Variants in ARL10 observed in about 807,000 individuals in gnomAD.
ARL10 encodes ARF like GTPase 10.
A neutral mutation model predicts 26.1 loss-of-function variants in ARL10; 23 were observed. That is an observed-to-expected ratio of 0.88 (90% CI 0.63 to 1.25). The LOEUF (loss-of-function observed/expected upper bound fraction) is 1.25. ARL10 is among the 50% of genes most tolerant of loss of function. The pLI, the probability that ARL10 is intolerant of heterozygous loss-of-function variation, is 0.00. For synonymous variants in ARL10, 138 were observed against 149.1 expected (o/e 0.93, Z 0.54); for missense variants, 300 against 323.6 (o/e 0.93, Z 0.56).
rs772446425 is a variant in ARL10, at chr5:176,369,100, C to T, written c.561+118C>T. The T allele has an allele frequency of 1.5e-5, 23 of 1,538,422 alleles. No individual in the cohort carries two copies. The African/African-American group carries it at 2.5e-4, about 16-fold the overall frequency. ...GAGAGGGTGGCTGAGATGCTGCCCC[C>T]ACCTCTTCTACCTATGCCCTGTCCT... On this transcript the variant is annotated intron_variant, in intron 3 of 3. Coordinates refer to ENST00000310389, the MANE Select transcript of ARL10 (RefSeq NM_173664.6).
downstream of ARL10, chr5:176,385,225 T>G (rs564105798): frequency 1.3e-6 from 2 of 1,593,478 alleles, no homozygotes; most frequent in South Asian, 1.1e-5. Flanking sequence ...GCTCACCTTA[T>G]AGTCCTCCCC....
At chr5:176,382,280 G>T (rs1167162084), downstream of ARL10, among the ~76,000 whole-genome samples, 2 of 152,210 alleles carry the variant, frequency 1.3e-5, no homozygotes, top group East Asian at 3.8e-4. Flanking sequence ...ACCTGGAGCT[G>T]CTCATCTCAG....
rs1321062608 is a variant in ARL10, at chr5:176,373,419, A to G, written c.*1524A>G. On this transcript the variant is annotated 3_prime_UTR_variant, in exon 4 of 4. Coordinates refer to ENST00000310389, the MANE Select transcript of ARL10 (RefSeq NM_173664.6). ...GGGACCACTAAATCAACAACCACAA[A>G]TGGATTTTTTTTTTAAGAGGAGCTG... The G allele has an allele frequency of 1.0e-5, 2 of 197,738 alleles. No homozygotes were observed. The highest frequency in any genetic ancestry group is 2.3e-5 in the African/African-American group (1 of 43,270). 12.2% of individuals were successfully genotyped at this position (197,738 alleles called of 1,614,324 possible). A position where few individuals can be genotyped will look rare whatever the true frequency, so the allele number is the denominator to read the frequency against.
At chr5:176,412,202 T>G in the ARL10 span, among the ~76,000 whole-genome samples, 1 of 151,924 alleles carries the variant, frequency 6.6e-6, no homozygotes, top group Non-Finnish European at 1.5e-5. Flanking sequence ...AAGAATGCTT[T>G]TTTGGCTCCA....
At chr5:176,387,974 A>G (rs1756020778) in intron 1 of ARL10, among the ~76,000 whole-genome samples, 1 of 152,200 alleles carries the variant, frequency 6.6e-6, no homozygotes, top group African/African-American at 2.4e-5. Context: ...TAAGGAAAAT[A>G]CCGTTGAGAT....
chr5:176,384,654 C>A, downstream of ARL10: 1 of 465,372 alleles, frequency 2.1e-6, no homozygotes, highest in Non-Finnish European at 3.8e-6. Flanking sequence ...CCTGTGGTCC[C>A]AGCTACTTGG....
At chr5:176,388,480 C>T in exon 2 of ARL10, 1 of 1,614,260 alleles carries the variant, frequency 6.2e-7, no homozygotes, top group Non-Finnish European at 8.5e-7. Context: ...GGTTCAGACG[C>T]TTTCGGTTGA....
At chr5:176,402,038 C>A (rs1269730785), downstream of ARL10, among the ~76,000 whole-genome samples, 1 of 152,172 alleles carries the variant, frequency 6.6e-6, no homozygotes, top group Admixed American at 6.5e-5. Flanking sequence ...CACGGTGGCT[C>A]GCGCCTATAA....
chr5:176,375,187 C>CCCAT lies in ARL10; in HGVS notation c.*3308_*3311dup, dbSNP rs568970450. The stretch of plus-strand genomic sequence containing the variant: ...ATCCACCCACCCACCCACCCATCCA[C>CCCAT]CCATCCATCCATCCATCCACTCATC... On this transcript the variant is annotated 3_prime_UTR_variant, in exon 4 of 4. Transcript: ENST00000310389. The CCCAT allele has an allele frequency of 1.1e-4, 5 of 45,896 alleles. No homozygotes were observed. The highest frequency in any genetic ancestry group is 2.8e-4 in the Admixed American group (1 of 3,522). The allele number at this position is 45,896 out of a possible 1,614,324, so 2.8% of individuals were successfully genotyped here. A position where few individuals can be genotyped will look rare whatever the true frequency, so the allele number is the denominator to read the frequency against.
intron 1 of ARL10, among the ~76,000 whole-genome samples, chr5:176,400,126 A>G (rs1756744361): frequency 6.7e-6 from 1 of 149,208 alleles, no homozygotes; most frequent in African/African-American, 2.5e-5. Flanking sequence ...GGGGCGGGGC[A>G]GGGGAGGCTG....
At position 176,366,479 on chromosome 5, in the gene ARL10, C is replaced by T; in HGVS notation, c.283C>T (p.Arg95Cys). Residue 95 changes from arginine to cysteine, a missense_variant, in exon 2 of 4, where the codon CGC becomes TGC. Coordinates refer to ENST00000310389, the MANE Select transcript of ARL10 (RefSeq NM_173664.6). The stretch of plus-strand genomic sequence containing the variant: ...TGGCGCAGGCAAGAGCACGTTCCTG[C>T]GCGTGTTGTCGGGGAAGCCACCGCT... ...LDGAGKSTFL[R>C]VLSGKPPLEG... is the part of the protein sequence containing the mutation. 1 of 1,613,990 alleles carries T rather than the reference C, an allele frequency of 6.2e-7. No individual in the cohort carries two copies. Among genetic ancestry groups the T allele is most frequent in the Non-Finnish European group, 8.5e-7 (1 of 1,180,026 alleles).
the ARL10 span, among the ~76,000 whole-genome samples, chr5:176,408,673 C>G: frequency 6.6e-6 from 1 of 152,202 alleles, no homozygotes. Flanking sequence ...TAGGCACACA[C>G]TATTGCCCCA....
chr5:176,411,367 A>G, the ARL10 span, among the ~76,000 whole-genome samples: 85 of 152,138 alleles, frequency 5.6e-4, no homozygotes, highest in Middle Eastern at 3.4e-3. Flanking sequence ...TCCACTTCCC[A>G]TGGACCACAG....
chr5:176,414,098 A>G, the ARL10 span, among the ~76,000 whole-genome samples: 3 of 152,064 alleles, frequency 2.0e-5, no homozygotes, highest in South Asian at 6.2e-4. Flanking sequence ...CCTGAATCCC[A>G]TCTTTTCTCT....
intron 1 of ARL10, among the ~76,000 whole-genome samples, chr5:176,387,233 C>A (rs1224598685): frequency 6.6e-6 from 1 of 151,950 alleles, no homozygotes; most frequent in Non-Finnish European, 1.5e-5. Context: ...TCATGCGCCA[C>A]CATGCCCAGC....
Position 176,375,163 on chromosome 5 carries a change from T to TCCACCCACCCACCCATCCATCCACCCAC in ARL10, c.*3283_*3284insTCCATCCACCCACCCACCCACCCACCCA. On this transcript the variant is annotated 3_prime_UTR_variant, in exon 4 of 4. Coordinates refer to ENST00000310389, the MANE Select transcript of ARL10 (RefSeq NM_173664.6). ...ACCCATCCACCCACCCACCCATCCA[T>TCCACCCACCCACCCATCCATCCACCCAC]CCACCCACCCACCCACCCATCCACC... 2.2e-5 allele frequency: 1 copy of TCCACCCACCCACCCATCCATCCACCCAC among 45,982 alleles called. No individual in the cohort carries two copies. The allele number at this position is 45,982 out of a possible 1,614,324, so 2.8% of individuals were successfully genotyped here. A position where few individuals can be genotyped will look rare whatever the true frequency, so the allele number is the denominator to read the frequency against.
chr5:176,371,717 C>T lies in ARL10; in HGVS notation c.562-5C>T. On this transcript the variant is annotated splice_region_variant and splice_polypyrimidine_tract_variant and intron_variant, in intron 3 of 3. Coordinates refer to ENST00000310389, the MANE Select transcript of ARL10 (RefSeq NM_173664.6). Reference sequence around the variant, plus strand: ...GCTGTGTTCGGACTTCTGTGTCTCACCCAGGACCTGAGCGAGGCCATGAGT... The same window carrying T: ...GCTGTGTTCGGACTTCTGTGTCTCATCCAGGACCTGAGCGAGGCCATGAGT... 1 of 1,613,766 alleles carries T rather than the reference C, an allele frequency of 6.2e-7. No homozygotes were observed.
At chr5:176,370,234 T>G (rs2113550190) in intron 3 of ARL10, among the ~76,000 whole-genome samples, 1 of 152,348 alleles carries the variant, frequency 6.6e-6, no homozygotes, top group Admixed American at 6.5e-5. Flanking sequence ...GCAGCTGGCA[T>G]GTGGCAAAGC....
chr5:176,405,930 T>C (rs1172511845), downstream of ARL10: 1 of 153,680 alleles, frequency 6.5e-6, no homozygotes, highest in Non-Finnish European at 1.4e-5. Flanking sequence ...AGGGACAGCA[T>C]GGCTGCTGTG....
Sources: gnomAD v4.1 joint callset for allele counts (sites outside exome capture counted in the v4.1 genomes callset) on GRCh38, gnomAD v4.1.1 for gene constraint, MANE v1.5 for transcripts, NCBI Gene and HGNC (gene_info 2026-07-23, HGNC 2026-07-21) for gene names.